Variants in KIAA2012 observed in about 807,000 individuals in gnomAD.
The protein encoded by KIAA2012 is uncharacterized protein KIAA2012.
KIAA2012 carries 125 observed loss-of-function variants against 150.6 expected under a neutral mutation model. The ratio of observed to expected loss-of-function variants is 0.83; its 90% confidence interval spans 0.72 to 0.96. The LOEUF (loss-of-function observed/expected upper bound fraction) is 0.96, where lower values mean the gene tolerates loss of function less well. Ranked by LOEUF, KIAA2012 falls within the 40% of genes least tolerant of loss-of-function variation. The pLI, the probability that KIAA2012 is intolerant of heterozygous loss-of-function variation, is 0.00. For missense variants in KIAA2012, 1,219 were observed against 1,354.9 expected (o/e 0.90, Z 1.57); for synonymous variants, 462 against 504.7 (o/e 0.92, Z 1.13).
chr2:202,137,083 A>G (rs1317536513), intron 12 of KIAA2012: 1 of 152,284 alleles, frequency 6.6e-6, no homozygotes, highest in African/African-American at 2.4e-5. Context: ...AACAACAGAA[A>G]AGGGAAGGTC....
intron 22 of KIAA2012, chr2:202,197,445 A>G (rs545682749): frequency 2.8e-4 from 50 of 180,334 alleles, no homozygotes; most frequent in Non-Finnish European, 5.5e-4. Context: ...ATTCAGGAGT[A>G]AGCAAGACAG....
At position 202,194,371 on chromosome 2, in the gene KIAA2012, G is replaced by T; in HGVS notation, c.3187+9G>T. 6.5e-7 allele frequency: 1 copy of T among 1,549,202 alleles called. No homozygotes were observed. Among genetic ancestry groups the T allele is most frequent in the Non-Finnish European group, 8.7e-7 (1 of 1,146,896 alleles). ...GGAAGCCGAGAGGGCCGGTGAGGGG[G>T]TTCTTGAGCTCTTTGCATCTCTCTT... On this transcript the variant is annotated intron_variant, in intron 21 of 23. Transcript: ENST00000498697.
At chr2:202,134,691 A>T (rs1419688002) in intron 12 of KIAA2012, among the ~76,000 whole-genome samples, 1 of 152,142 alleles carries the variant, frequency 6.6e-6, no homozygotes, top group Non-Finnish European at 1.5e-5. Flanking sequence ...AGTAGCTGGG[A>T]TTACAGGCGC....
chr2:202,161,419 A>G lies in KIAA2012; in HGVS notation c.2047-3865A>G, dbSNP rs192225721. ...TCTGGTTAAATTCCAAGCATCAAAG[A>G]TGTATTTATTTTACAAATAGAAAAA... On this transcript the variant is annotated intron_variant, in intron 14 of 23. Coordinates refer to ENST00000498697, the MANE Select transcript of KIAA2012 (RefSeq NM_001277372.4). 1.3e-4 allele frequency among the ~76,000 whole-genome samples: 20 copies of G among 152,264 alleles called. No homozygotes were observed. In the East Asian group the frequency reaches 3.7e-3, roughly 28 times the overall value.
chr2:202,167,204 C>T (rs954655832), intron 15 of KIAA2012, among the ~76,000 whole-genome samples: 2 of 152,104 alleles, frequency 1.3e-5, no homozygotes, highest in Non-Finnish European at 2.9e-5. Flanking sequence ...ACTCCTCTAC[C>T]CCTGTCCAAA....
intron 14 of KIAA2012, among the ~76,000 whole-genome samples, chr2:202,163,390 C>T (rs751710049): frequency 6.6e-6 from 1 of 152,132 alleles, no homozygotes; most frequent in Non-Finnish European, 1.5e-5. Context: ...GCGTGAGCCA[C>T]CACACCTGGC....
chr2:202,093,234 G>A, intron 4 of KIAA2012, 49 bp downstream of exon 4: 3 of 1,529,424 alleles, frequency 2.0e-6, no homozygotes, highest in Non-Finnish European at 2.7e-6. Flanking sequence ...TCAGATATTT[G>A]AATTGTTAAC....
rs923782947 is a variant in KIAA2012 at position 202,109,744 on chromosome 2, C to G, written c.1606C>G (p.Leu536Val). 5 of 1,550,316 alleles carry G rather than the reference C, an allele frequency of 3.2e-6. No individual in the cohort carries two copies. The highest frequency in any genetic ancestry group is 4.4e-6 in the Non-Finnish European group (5 of 1,146,864). The part of the protein sequence containing the change: ...RTSDHNSPPS[L>V]PNMRVPRRAL... ...ATCAGACCACAACAGCCCCCCAAGT[C>G]TCCCGAACATGAGAGTGCCCAGGAG... The change falls in exon 10 of 24, where the codon CTC becomes GTC. Residue 536 changes from leucine (L) to valine (V), a missense_variant. Leu to Val is a conservative substitution (Grantham distance 32). Transcript: ENST00000498697.
intron 14 of KIAA2012, among the ~76,000 whole-genome samples, chr2:202,157,337 C>G (rs1691550861): frequency 1.3e-5 from 2 of 152,198 alleles, no homozygotes; most frequent in African/African-American, 4.8e-5. Context: ...AGGCTGTCCT[C>G]CACACCTGGA....
chr2:202,087,536 G>T (rs891368975), intron 2 of KIAA2012, among the ~76,000 whole-genome samples: 1 of 82,832 alleles, frequency 1.2e-5, no homozygotes, highest in African/African-American at 4.4e-5. Flanking sequence ...AAAAAAAAAA[G>T]GCTGCTAACC....
chr2:202,102,648 C>A (rs956587013), intron 7 of KIAA2012, among the ~76,000 whole-genome samples: 1 of 152,142 alleles, frequency 6.6e-6, no homozygotes, highest in South Asian at 2.1e-4. Context: ...CATTTTAGTC[C>A]GGCTCAGTCT....
At position 202,102,834 on chromosome 2, in the gene KIAA2012, C is replaced by T. The variant is rs146845737; in HGVS notation, c.1156-112C>T. The T allele has an allele frequency of 1.0e-4, 111 of 1,061,248 alleles. No individual in the cohort carries two copies. In the African/African-American group the frequency reaches 1.4e-3, roughly 14 times the overall value. 65.7% of individuals were successfully genotyped at this position (1,061,248 alleles called of 1,614,324 possible). ...GGCTCCCAGCTGGATTAGCTTACCT[C>T]TCTCAGCAGCTCCTGGTGCAAGAGA... is the stretch of plus-strand genomic sequence containing the variant. On this transcript the variant is annotated intron_variant, in intron 7 of 23. Transcript: ENST00000498697.
chr2:202,094,870 G>A (rs939764698), intron 4 of KIAA2012, among the ~76,000 whole-genome samples: 2 of 152,226 alleles, frequency 1.3e-5, no homozygotes, highest in Admixed American at 6.5e-5. Context: ...GAGGGATAAA[G>A]TGACTTTCCT....
chr2:202,157,214 C>T lies in KIAA2012; in HGVS notation c.2046+2404C>T, dbSNP rs143801211. 2.7e-3 allele frequency among the ~76,000 whole-genome samples: 411 copies of T among 152,322 alleles called. 3 individuals are homozygous for T. Among genetic ancestry groups the T allele is most frequent in the African/African-American group, 9.6e-3 (400 of 41,564 alleles). On this transcript the variant is annotated intron_variant, in intron 14 of 23. Transcript: ENST00000498697. Reference sequence around the variant, plus strand: ...GTGTTCACTGCTCTCCCTAGATAGACCTTCTCCTTATGGATGTGGTAGCTC... The same window carrying T: ...GTGTTCACTGCTCTCCCTAGATAGATCTTCTCCTTATGGATGTGGTAGCTC...
rs62195576 is a variant in KIAA2012, at chr2:202,097,607, C to T, written c.828+30C>T. The T allele has an allele frequency of 1.9e-3, 2,895 of 1,534,458 alleles. 22 individuals are homozygous for T. The African/African-American group carries it at 0.022, about 12-fold the overall frequency. On this transcript the variant is annotated intron_variant, in intron 5 of 23. Transcript: ENST00000498697. ...CATTTCTTTTTTTTTTTTTTTTCCC[C>T]GAGACGGAGTCTCACTCTGTCACCC...
Position 202,145,678 on chromosome 2 carries a change from CTTTTTTTTT to C in KIAA2012, c.1908+7186_1908+7194del, listed in dbSNP as rs36059685. Among the ~76,000 whole-genome samples, 34 of 75,312 alleles carry C rather than the reference CTTTTTTTTT, an allele frequency of 4.5e-4. 1 individual carries two copies. Among genetic ancestry groups the C allele is most frequent in the Non-Finnish European group, 6.7e-4 (28 of 41,906 alleles). 49.4% of individuals were successfully genotyped at this position (75,312 alleles called of 152,430 possible). A position where few individuals can be genotyped will look rare whatever the true frequency, so the allele number is the denominator to read the frequency against. On this transcript the variant is annotated intron_variant, in intron 13 of 23. Transcript: ENST00000498697. ...TATCTCCCCATTCTCTTGAGAGGGTCTTTTTTTTTTTTTTTTTTTTTTTTGAGATGGAGT... is the reference window on the plus strand; with the variant it reads ...TATCTCCCCATTCTCTTGAGAGGGTCTTTTTTTTTTTTTTTGAGATGGAGT...
chr2:202,106,679 C>G (rs1690201132), intron 9 of KIAA2012, among the ~76,000 whole-genome samples: 1 of 149,500 alleles, frequency 6.7e-6, no homozygotes, highest in Admixed American at 6.7e-5. Context: ...AGAGCAAGAC[C>G]CTGTCTAAAA....
chr2:202,132,612 C>T (rs896294122), intron 12 of KIAA2012, among the ~76,000 whole-genome samples: 2 of 149,984 alleles, frequency 1.3e-5, no homozygotes, highest in Non-Finnish European at 3.0e-5. Context: ...AGGTAGAGGT[C>T]GTAGTGAGCC....
chr2:202,165,661 C>T (rs527562160), intron 15 of KIAA2012, among the ~76,000 whole-genome samples: 68 of 152,212 alleles, frequency 4.5e-4, no homozygotes, highest in African/African-American at 1.5e-3. Flanking sequence ...GCAGAGGTTG[C>T]GGTGAGCTGA....
Sources: gnomAD v4.1 joint callset for allele counts (sites outside exome capture counted in the v4.1 genomes callset) on GRCh38, gnomAD v4.1.1 for gene constraint, MANE v1.5 for transcripts, NCBI Gene and HGNC (gene_info 2026-07-23, HGNC 2026-07-21) for gene names.